Variants in PCDH15 observed in about 807,000 individuals in gnomAD.
PCDH15 encodes protocadherin related 15, also known as protocadherin-15.
Under a neutral mutation model 178.5 loss-of-function variants are expected in PCDH15, and 129 were observed. The ratio of observed to expected loss-of-function variants is 0.72; its 90% CI spans 0.63 to 0.84. The LOEUF is 0.84. Among genes scored for constraint, PCDH15 ranks in the 40% least tolerant of loss-of-function variants. The probability of loss-of-function intolerance (pLI) is 0.00; values close to 1 mark genes in which losing one functional copy is unlikely to be tolerated. For missense variants in PCDH15, 2,230 were observed against 2,099.9 expected (o/e 1.06, Z -1.21); for synonymous variants, 800 against 732.0 (o/e 1.09, Z -1.50).
In PCDH15 at chr10:54,020,224, G is replaced by C. The variant is rs905452412; in HGVS notation, c.2719C>G (p.Pro907Ala). 1.2e-6 allele frequency: 2 copies of C among 1,613,420 alleles called. No homozygotes were observed. Among genetic ancestry groups the C allele is most frequent in the African/African-American group, 2.7e-5 (2 of 74,856 alleles). Residue 907 changes from proline to alanine, a missense_variant, in exon 20 of 38, where the codon CCT becomes GCT. Pro to Ala is a conservative substitution (Grantham distance 27). Coordinates refer to ENST00000644397, the MANE Select transcript of PCDH15 (RefSeq NM_001384140.1). The part of the protein sequence containing the change: ...EAFDIYGTMP[P>A]GIATVTVIVK... ...ATCACTGTGACAGTAGCAATACCAGGTGGCATTGTTCCATAAATATCAAAG... is the reference window on the plus strand; with the variant it reads ...ATCACTGTGACAGTAGCAATACCAGCTGGCATTGTTCCATAAATATCAAAG...
At chr10:55,466,715 C>A (rs1839838454) in intron 2 of PCDH15, among the ~76,000 whole-genome samples, 1 of 152,104 alleles carries the variant, frequency 6.6e-6, no homozygotes, top group Non-Finnish European at 1.5e-5. Context: ...ATGGAAGATA[C>A]AGGAAGGAAC....
chr10:53,926,290 A>T (rs2084547081), intron 25 of PCDH15, among the ~76,000 whole-genome samples: 1 of 152,208 alleles, frequency 6.6e-6, no homozygotes, highest in African/African-American at 2.4e-5. Flanking sequence ...AACAAAACAA[A>T]AAACTGCAAG....
chr10:53,841,885 CG>C (rs891070735), intron 28 of PCDH15, among the ~76,000 whole-genome samples: 9 of 144,324 alleles, frequency 6.2e-5, no homozygotes, highest in Non-Finnish European at 1.3e-4. Context: ...CGCTTGAACC[CG>C]GGAGGTGGAG....
intron 3 of PCDH15, among the ~76,000 whole-genome samples, chr10:54,887,630 A>G (rs1429703141): frequency 6.6e-6 from 1 of 152,122 alleles, no homozygotes; most frequent in Admixed American, 6.6e-5. Context: ...ACTATTCTCT[A>G]TTAGATATAA....
intron 2 of PCDH15, among the ~76,000 whole-genome samples, chr10:54,660,587 T>C (rs1407399875): frequency 1.3e-5 from 2 of 151,980 alleles, no homozygotes; most frequent in East Asian, 3.9e-4. Context: ...TAAGGAGGAA[T>C]GACTCCTCTC....
At chr10:54,301,372 A>C (rs78937166) in intron 8 of PCDH15, among the ~76,000 whole-genome samples, 1,766 of 152,310 alleles carry the variant, frequency 0.012, 32 homozygotes, top group African/African-American at 0.038. Context: ...TGTTGTACAA[A>C]ATGAATGAAA....
intron 3 of PCDH15, among the ~76,000 whole-genome samples, chr10:54,878,038 C>T (rs1954184463): frequency 7.0e-6 from 1 of 142,680 alleles, no homozygotes. Context: ...TCTCGGCTCA[C>T]TGCAACCTCT....
intron 3 of PCDH15, among the ~76,000 whole-genome samples, chr10:54,456,093 G>A (rs2076801907): frequency 6.6e-6 from 1 of 152,184 alleles, no homozygotes; most frequent in Non-Finnish European, 1.5e-5. Context: ...AATGTGGAAA[G>A]GAAATGTGGG....
At chr10:55,056,006 T>C (rs1157257804) in intron 2 of PCDH15, among the ~76,000 whole-genome samples, 1 of 152,188 alleles carries the variant, frequency 6.6e-6, no homozygotes, top group Non-Finnish European at 1.5e-5. Context: ...AGCGCCCTTT[T>C]ACATTTCTTC....
intron 1 of PCDH15, among the ~76,000 whole-genome samples, chr10:54,673,872 C>A (rs2094727223): frequency 6.6e-6 from 1 of 152,128 alleles, no homozygotes; most frequent in Non-Finnish European, 1.5e-5. Context: ...TACTTTTTAA[C>A]ATGTACTTAC....
At chr10:54,349,672 G>A (rs191843728) in intron 5 of PCDH15, among the ~76,000 whole-genome samples, 2 of 151,976 alleles carry the variant, frequency 1.3e-5, no homozygotes, top group Admixed American at 6.5e-5. Context: ...ACTCTACATT[G>A]TTATAATGTT....
intron 1 of PCDH15, among the ~76,000 whole-genome samples, chr10:54,702,258 A>G (rs531019295): frequency 1.3e-5 from 2 of 152,166 alleles, no homozygotes; most frequent in African/African-American, 4.8e-5. Context: ...TTTGAAATGA[A>G]TAACAAAGAT....
intron 34 of PCDH15, among the ~76,000 whole-genome samples, chr10:53,816,905 G>GT (rs1554817774): frequency 6.6e-6 from 1 of 152,084 alleles, no homozygotes; most frequent in Non-Finnish European, 1.5e-5. Context: ...TCTTTCACTT[G>GT]TATTTATTTA....
chr10:55,509,992 C>G (rs1035687236), intron 2 of PCDH15, among the ~76,000 whole-genome samples: 2 of 151,832 alleles, frequency 1.3e-5, no homozygotes, highest in Non-Finnish European at 2.9e-5. Flanking sequence ...GATTAGAACT[C>G]GAGTCTCCTG....
chr10:54,078,312 C>T (rs2094377674), intron 17 of PCDH15, among the ~76,000 whole-genome samples: 1 of 151,790 alleles, frequency 6.6e-6, no homozygotes, highest in Non-Finnish European at 1.5e-5. Flanking sequence ...GATGAGAAAA[C>T]TATTCAGGTA....
At chr10:55,429,059 T>C (rs1838823181) in intron 2 of PCDH15, among the ~76,000 whole-genome samples, 1 of 152,096 alleles carries the variant, frequency 6.6e-6, no homozygotes, top group African/African-American at 2.4e-5. Context: ...CCACACATTC[T>C]ACAAACCCCA....
At chr10:53,983,567 C>A (rs189573615) in intron 21 of PCDH15, among the ~76,000 whole-genome samples, 1 of 152,200 alleles carries the variant, frequency 6.6e-6, no homozygotes, top group East Asian at 1.9e-4. Flanking sequence ...GATATTGACA[C>A]AGCTATTTAA....
Position 54,143,004 on chromosome 10 carries a change from C to T in PCDH15, c.1785-9997G>A, listed in dbSNP as rs549968792. On this transcript the variant is annotated intron_variant, in intron 14 of 37. Transcript: ENST00000644397. ...TCGAGTGTCTTAAACCTTTGATACTCGACAGAATTTCCAACAGCAAAATTT... is the reference window on the plus strand; with the variant it reads ...TCGAGTGTCTTAAACCTTTGATACTTGACAGAATTTCCAACAGCAAAATTT... Among the ~76,000 whole-genome samples, 19 of 152,198 alleles carry T rather than the reference C, an allele frequency of 1.2e-4. No homozygotes were observed. The East Asian group carries it at 2.3e-3, about 19-fold the overall frequency.
intron 2 of PCDH15, among the ~76,000 whole-genome samples, chr10:54,547,095 C>G (rs182561575): frequency 8.5e-5 from 13 of 152,204 alleles, no homozygotes; most frequent in African/African-American, 2.6e-4. Context: ...TATAAAACTT[C>G]AAGCACTCTC....
Sources: gnomAD v4.1 joint callset for allele counts (sites outside exome capture counted in the v4.1 genomes callset) on GRCh38, gnomAD v4.1.1 for gene constraint, MANE v1.5 for transcripts, NCBI Gene and HGNC (gene_info 2026-07-23, HGNC 2026-07-21) for gene names.